The following MAP4 variants were observed in gnomAD, a reference collection of about 807,000 sequenced individuals.
MAP4 encodes the protein microtubule associated protein 4.
Under a neutral mutation model 170.2 loss-of-function variants are expected in MAP4, and 76 were observed. The ratio of observed to expected loss-of-function variants is 0.45; its 90% confidence interval spans 0.37 to 0.54. The LOEUF (loss-of-function observed/expected upper bound fraction) is 0.54, where lower values mean the gene tolerates loss of function less well. MAP4 is among the 20% of genes least tolerant of loss of function. The probability of loss-of-function intolerance (pLI) is 0.00; values close to 1 mark genes in which losing one functional copy is unlikely to be tolerated. For synonymous variants in MAP4, 909 were observed against 994.5 expected (o/e 0.91, Z 1.62); for missense variants, 2,506 against 2,748.0 (o/e 0.91, Z 1.97).
intron 17 of MAP4, among the ~76,000 whole-genome samples, chr3:47,859,002 T>C (rs1240190674): frequency 6.6e-6 from 1 of 151,740 alleles, no homozygotes; most frequent in Non-Finnish European, 1.5e-5. Context: ...TGGTGGCAGG[T>C]GCCTGTAGTC....
intron 1 of MAP4, among the ~76,000 whole-genome samples, chr3:48,048,504 A>C (rs937710613): frequency 8.4e-6 from 1 of 119,756 alleles, no homozygotes. Flanking sequence ...GATCTCAATT[A>C]TCTTTTTTTT....
intron 3 of MAP4, among the ~76,000 whole-genome samples, chr3:47,966,816 T>C (rs1371467642): frequency 1.3e-5 from 2 of 152,224 alleles, no homozygotes; most frequent in Non-Finnish European, 2.9e-5. Context: ...TTCTGGGCTT[T>C]CCATTCCGTT....
chr3:47,873,046 A>T (rs2093993977), intron 12 of MAP4, among the ~76,000 whole-genome samples: 1 of 152,184 alleles, frequency 6.6e-6, no homozygotes, highest in Non-Finnish European at 1.5e-5. Flanking sequence ...CCTCATCGGG[A>T]TAAAGAGATT....
intron 2 of MAP4, 25 bp from the exon 3 acceptor site, chr3:47,977,958 C>T: frequency 6.6e-7 from 1 of 1,516,224 alleles, no homozygotes; most frequent in Non-Finnish European, 9.2e-7. Context: ...AATAATTACC[C>T]ATTGTGACAG....
rs991469281 is a variant in MAP4, at chr3:47,933,435, G to GT, written c.293-5086dup. On this transcript the variant is annotated intron_variant, in intron 3 of 20. Coordinates refer to ENST00000683076, the MANE Select transcript of MAP4 (RefSeq NM_001385682.1). ...GGTATGTAAATTACACCTCAATAAA[G>GT]TTTTTTTCTTTCTTTTTTTTGAGAC... Among the ~76,000 whole-genome samples the GT allele has an allele frequency of 2.0e-5, 3 of 151,848 alleles. No individual in the cohort carries two copies. In the East Asian group the frequency reaches 5.8e-4, roughly 29 times the overall value.
chr3:47,970,529 G>C (rs922699816), intron 3 of MAP4, among the ~76,000 whole-genome samples: 2 of 151,810 alleles, frequency 1.3e-5, no homozygotes, highest in Non-Finnish European at 1.5e-5. Flanking sequence ...ACATCAGAAG[G>C]CTGGGCGTGG....
chr3:48,044,211 G>A (rs2100123152), intron 1 of MAP4, among the ~76,000 whole-genome samples: 1 of 151,116 alleles, frequency 6.6e-6, no homozygotes. Flanking sequence ...CTGGAGTGCA[G>A]TGGCGCAATC....
chr3:48,000,688 AT>A lies in MAP4; in HGVS notation c.-19-1810del, dbSNP rs374424881. ...GCGGCCTTCATCTTTCTTTTGCCTAATTTAGCCAATCTATTTCTGTTGTTTA... is the reference window on the plus strand; with the variant it reads ...GCGGCCTTCATCTTTCTTTTGCCTAATTAGCCAATCTATTTCTGTTGTTTA... On this transcript the variant is annotated intron_variant, in intron 1 of 20. Coordinates refer to ENST00000683076, the MANE Select transcript of MAP4 (RefSeq NM_001385682.1). 2.5e-4 allele frequency among the ~76,000 whole-genome samples: 38 copies of A among 152,294 alleles called. No individual in the cohort carries two copies. The East Asian group carries it at 5.2e-3, about 21-fold the overall frequency.
chr3:48,088,763 C>G (rs2100150789), intron 1 of MAP4: 1 of 152,986 alleles, frequency 6.5e-6, no homozygotes, highest in Admixed American at 6.5e-5. Context: ...CCGCCTGCGG[C>G]TGCACCTACC....
chr3:47,959,881 G>T (rs549423937), intron 3 of MAP4, among the ~76,000 whole-genome samples: 1 of 149,880 alleles, frequency 6.7e-6, no homozygotes, highest in South Asian at 2.1e-4. Flanking sequence ...ATTTTTTTTT[G>T]AGATGAAGTC....
At chr3:48,074,205 A>G (rs924253681) in intron 1 of MAP4, among the ~76,000 whole-genome samples, 5 of 151,282 alleles carry the variant, frequency 3.3e-5, no homozygotes, top group Non-Finnish European at 5.9e-5. Flanking sequence ...AACTATCACA[A>G]GGACAGAAAA....
chr3:47,886,440 ATAGGTACATGCCAC>A (rs1373868972), intron 10 of MAP4, among the ~76,000 whole-genome samples: 2 of 152,194 alleles, frequency 1.3e-5, no homozygotes, highest in Non-Finnish European at 2.9e-5. Context: ...AGTTGGGACT[ATAGGTACATGCCAC>A]TATGCCCACC....
At chr3:47,906,510 C>T (rs1276238049) in intron 9 of MAP4, among the ~76,000 whole-genome samples, 1 of 151,600 alleles carries the variant, frequency 6.6e-6, no homozygotes, top group African/African-American at 2.4e-5. Context: ...ATGGAGAAAC[C>T]CCGTCTCTAT....
At chr3:47,971,187 A>G (rs1317473345) in intron 3 of MAP4, among the ~76,000 whole-genome samples, 1 of 152,156 alleles carries the variant, frequency 6.6e-6, no homozygotes, top group Non-Finnish European at 1.5e-5. Context: ...AAGAAATAAA[A>G]CTTTGTTCCA....
At chr3:48,017,131 T>C (rs1359329451), upstream of MAP4, among the ~76,000 whole-genome samples, 6 of 151,296 alleles carry the variant, frequency 4.0e-5, no homozygotes, top group Non-Finnish European at 8.8e-5. Flanking sequence ...CTCACTTTAA[T>C]AGATGGAAAA....
chr3:47,891,405 G>C (rs2100023861), intron 10 of MAP4: 1 of 1,535,936 alleles, frequency 6.5e-7, no homozygotes, highest in South Asian at 1.2e-5. Flanking sequence ...CTAGCTGTCT[G>C]TTCCTCACCC....
At chr3:47,941,220 C>CA (rs745693695) in intron 3 of MAP4, among the ~76,000 whole-genome samples, 772 of 45,804 alleles carry the variant, frequency 0.017, 55 homozygotes, top group East Asian at 0.032. Context: ...CTATCTCTAC[C>CA]AAAAAAAAAA....
intron 3 of MAP4, among the ~76,000 whole-genome samples, chr3:47,943,161 A>T (rs901903087): frequency 1.3e-5 from 2 of 152,180 alleles, no homozygotes; most frequent in African/African-American, 4.8e-5. Context: ...GTATTTCAAT[A>T]AAAAAAGTGA....
intron 2 of MAP4, among the ~76,000 whole-genome samples, chr3:47,979,148 T>C (rs1425324967): frequency 6.6e-6 from 1 of 152,010 alleles, no homozygotes; most frequent in East Asian, 1.9e-4. Context: ...ACATTTTGAG[T>C]TAAATTTTGT....
Sources: gnomAD v4.1 joint callset for allele counts (sites outside exome capture counted in the v4.1 genomes callset) on GRCh38, gnomAD v4.1.1 for gene constraint, MANE v1.5 for transcripts, NCBI Gene and HGNC (gene_info 2026-07-23, HGNC 2026-07-21) for gene names.